Variants in VSTM4 observed in about 807,000 individuals in gnomAD.
VSTM4 encodes the protein V-set and transmembrane domain-containing protein 4.
In VSTM4, 20 loss-of-function variants were observed where a neutral mutation model predicts 36.4. That is an observed-to-expected ratio of 0.55 (90% CI 0.39 to 0.80). The LOEUF (loss-of-function observed/expected upper bound fraction) is 0.80, where lower values mean the gene tolerates loss of function less well. Ranked by LOEUF, VSTM4 falls within the 30% of genes least tolerant of loss-of-function variation. The pLI is 0.00. For synonymous variants in VSTM4, 182 were observed against 173.9 expected, an observed-to-expected ratio of 1.05 and a Z score of -0.37; for missense variants, 392 against 404.5, an observed-to-expected ratio of 0.97 and a Z score of 0.26.
chr10:49,089,813 C>T (rs1188275119), intron 2 of VSTM4, among the ~76,000 whole-genome samples: 1 of 152,224 alleles, frequency 6.6e-6, no homozygotes, highest in African/African-American at 2.4e-5. Flanking sequence ...TGTGCTATCT[C>T]AAAGTGAATT....
chr10:49,063,236 A>G (rs1843913704), intron 5 of VSTM4, among the ~76,000 whole-genome samples: 1 of 152,116 alleles, frequency 6.6e-6, no homozygotes, highest in Non-Finnish European at 1.5e-5. Context: ...GCTACTTGAG[A>G]GGCTGAGGCA....
chr10:49,051,390 CTTTTTTT>C (rs796786621), intron 5 of VSTM4, among the ~76,000 whole-genome samples: 2 of 130,804 alleles, frequency 1.5e-5, no homozygotes, highest in African/African-American at 2.9e-5. Flanking sequence ...CAGCTCATTT[CTTTTTTT>C]TTTTTTTTTT....
At chr10:49,101,984 T>C (rs1844674377) in intron 2 of VSTM4, among the ~76,000 whole-genome samples, 1 of 103,706 alleles carries the variant, frequency 9.6e-6, no homozygotes, top group African/African-American at 3.5e-5. Context: ...TGTGTGTGTG[T>C]GTGTTTGTGT....
At chr10:49,021,817 G>A (rs925287256) in intron 7 of VSTM4, among the ~76,000 whole-genome samples, 4 of 152,138 alleles carry the variant, frequency 2.6e-5, no homozygotes, top group African/African-American at 7.2e-5. Flanking sequence ...GGGGGCATTC[G>A]TATAACGCAA....
chr10:49,111,234 G>T (rs1844888015), intron 1 of VSTM4, among the ~76,000 whole-genome samples: 1 of 152,172 alleles, frequency 6.6e-6, no homozygotes, highest in Admixed American at 6.5e-5. Flanking sequence ...GAGCCAGTTG[G>T]GTGTTTATTT....
intron 6 of VSTM4, among the ~76,000 whole-genome samples, chr10:49,048,042 G>A (rs574077593): frequency 1.5e-4 from 23 of 152,234 alleles, no homozygotes; most frequent in African/African-American, 5.5e-4. Context: ...TATACCCAGA[G>A]CAACTGTGAA....
chr10:49,057,946 A>C (rs746947479), intron 5 of VSTM4, among the ~76,000 whole-genome samples: 3 of 152,236 alleles, frequency 2.0e-5, no homozygotes, highest in Non-Finnish European at 4.4e-5. Flanking sequence ...CATGTGTCCC[A>C]GAAAAGCCCC....
chr10:49,046,973 G>A lies in VSTM4; in HGVS notation c.837+10C>T, dbSNP rs201302818. 200 of 1,613,166 alleles carry A rather than the reference G, an allele frequency of 1.2e-4. No individual in the cohort carries two copies. The highest frequency in any genetic ancestry group is 5.3e-5 in the African/African-American group (4 of 74,870). On this transcript the variant is annotated intron_variant, in intron 7 of 7. Coordinates refer to ENST00000332853, the MANE Select transcript of VSTM4 (RefSeq NM_001031746.5). Reference sequence around the variant, plus strand: ...AAGGTATGATAGGAATACAGAAGACGGTTACTTACCAGCGTGACTTTTCTC... The same window carrying A: ...AAGGTATGATAGGAATACAGAAGACAGTTACTTACCAGCGTGACTTTTCTC...
chr10:49,035,239 G>A (rs559712165), intron 7 of VSTM4, among the ~76,000 whole-genome samples: 2 of 152,312 alleles, frequency 1.3e-5, no homozygotes, highest in South Asian at 2.1e-4. Context: ...TGACTCCCAG[G>A]CTCATGCTCC....
At chr10:49,076,823 T>C (rs1844187132) in intron 4 of VSTM4, among the ~76,000 whole-genome samples, 1 of 152,070 alleles carries the variant, frequency 6.6e-6, no homozygotes, top group African/African-American at 2.4e-5. Flanking sequence ...ATAAGAACAT[T>C]CCACTGAGGG....
intron 2 of VSTM4, among the ~76,000 whole-genome samples, chr10:49,106,028 T>A (rs914637475): frequency 3.9e-5 from 6 of 152,192 alleles, no homozygotes; most frequent in African/African-American, 1.4e-4. Context: ...TTGAATTAAT[T>A]TGCTTAAGGA....
At chr10:49,035,381 G>A (rs1372061135) in intron 7 of VSTM4, among the ~76,000 whole-genome samples, 1 of 152,138 alleles carries the variant, frequency 6.6e-6, no homozygotes, top group African/African-American at 2.4e-5. Flanking sequence ...AGTCCTGAGG[G>A]GGCCAATTCC....
chr10:49,074,610 G>A (rs1844140889), intron 4 of VSTM4, among the ~76,000 whole-genome samples: 1 of 152,216 alleles, frequency 6.6e-6, no homozygotes, highest in South Asian at 2.1e-4. Flanking sequence ...GCCCCACAGT[G>A]AGTTGAAAGA....
chr10:49,033,379 T>C (rs1277678313), intron 7 of VSTM4, among the ~76,000 whole-genome samples: 1 of 152,214 alleles, frequency 6.6e-6, no homozygotes, highest in Non-Finnish European at 1.5e-5. Flanking sequence ...CCACACTAAA[T>C]GTGGGTGGAC....
At chr10:49,078,427 G>C (rs896679779) in intron 3 of VSTM4, among the ~76,000 whole-genome samples, 1 of 151,976 alleles carries the variant, frequency 6.6e-6, no homozygotes, top group Non-Finnish European at 1.5e-5. Flanking sequence ...TAAACAAAGT[G>C]TGGTACATCC....
chr10:49,109,400 T>G (rs918300826), intron 1 of VSTM4, among the ~76,000 whole-genome samples: 1 of 152,212 alleles, frequency 6.6e-6, no homozygotes, highest in South Asian at 2.1e-4. Context: ...TTCTTCATTG[T>G]AAAAATCCAG....
chr10:49,093,849 G>A (rs572390029), intron 2 of VSTM4, among the ~76,000 whole-genome samples: 6 of 146,550 alleles, frequency 4.1e-5, no homozygotes, highest in Non-Finnish European at 4.5e-5. Flanking sequence ...CCGGGTTCAC[G>A]CCGTCCTCCT....
intron 2 of VSTM4, among the ~76,000 whole-genome samples, chr10:49,090,846 C>T (rs1844460966): frequency 6.6e-6 from 1 of 152,210 alleles, no homozygotes; most frequent in African/African-American, 2.4e-5. Flanking sequence ...GGAGTGACAC[C>T]AGCCCTGCCT....
At position 49,052,614 on chromosome 10, in the gene VSTM4, G is replaced by T. The variant is rs534980535; in HGVS notation, c.669-4030C>A. On this transcript the variant is annotated intron_variant, in intron 5 of 7. Coordinates refer to ENST00000332853, the MANE Select transcript of VSTM4 (RefSeq NM_001031746.5). The stretch of plus-strand genomic sequence containing the variant: ...TTTGTTCCATGCAGTTTTTTAATTT[G>T]TTTTTGCTAAAATCTTTTGACATTT... 3.0e-4 allele frequency among the ~76,000 whole-genome samples: 46 copies of T among 152,006 alleles called. No homozygotes were observed. In the Middle Eastern group the frequency reaches 0.014, roughly 45 times the overall value.
Sources: gnomAD v4.1 joint callset for allele counts (sites outside exome capture counted in the v4.1 genomes callset) on GRCh38, gnomAD v4.1.1 for gene constraint, MANE v1.5 for transcripts, NCBI Gene and HGNC (gene_info 2026-07-23, HGNC 2026-07-21) for gene names.